SLC25A26: variants seen among roughly 807,000 people sequenced by gnomAD.
The protein encoded by SLC25A26 is solute carrier family 25 member 26.
In SLC25A26, 36 loss-of-function variants were observed where a neutral mutation model predicts 37.8. The ratio of observed to expected loss-of-function variants is 0.95; its 90% CI spans 0.73 to 1.26. SLC25A26 has a LOEUF of 1.26. SLC25A26 is among the 50% of genes most tolerant of loss of function. The pLI, the probability that SLC25A26 is intolerant of heterozygous loss-of-function variation, is 0.00. For missense variants in SLC25A26, 390 were observed against 331.1 expected, an observed-to-expected ratio of 1.18 and a Z score of -1.38; for synonymous variants, 129 against 122.5, an observed-to-expected ratio of 1.05 and a Z score of -0.35.
chr3:66,244,477 A>T (rs937566983), intron 3 of SLC25A26, among the ~76,000 whole-genome samples: 3 of 152,248 alleles, frequency 2.0e-5, no homozygotes, highest in Admixed American at 6.5e-5. Flanking sequence ...CTGTTGATAC[A>T]TGTAAAACTT....
At chr3:66,230,787 A>G (rs375955003) in intron 1 of SLC25A26, among the ~76,000 whole-genome samples, 1 of 146,526 alleles carries the variant, frequency 6.8e-6, no homozygotes, top group East Asian at 2.0e-4. Context: ...CCTGGGCAAC[A>G]AGAGCAAAAC....
intron 1 of SLC25A26, among the ~76,000 whole-genome samples, chr3:66,199,766 C>G (rs2071086583): frequency 6.6e-6 from 1 of 152,050 alleles, no homozygotes; most frequent in Non-Finnish European, 1.5e-5. Flanking sequence ...TGTCATGACC[C>G]TTTCCCTGAC....
intron 5 of SLC25A26, among the ~76,000 whole-genome samples, chr3:66,298,138 C>CTCTGCATGATTCTGATGCATTCTGAAG (rs2074965294): frequency 6.6e-6 from 1 of 152,134 alleles, no homozygotes; most frequent in Non-Finnish European, 1.5e-5. Context: ...GTTATACACC[C>CTCTGCATGATTCTGATGCATTCTGAAG]TCTGCATGAT....
intron 7 of SLC25A26, among the ~76,000 whole-genome samples, chr3:66,368,600 C>T (rs1476714771): frequency 6.6e-6 from 1 of 152,158 alleles, no homozygotes; most frequent in Non-Finnish European, 1.5e-5. Flanking sequence ...AAGCTTTGCT[C>T]CTTTAATTCA....
At chr3:66,136,498 A>G (rs919087942) in intron 1 of SLC25A26, among the ~76,000 whole-genome samples, 3 of 152,240 alleles carry the variant, frequency 2.0e-5, no homozygotes, top group Non-Finnish European at 4.4e-5. Flanking sequence ...TGTCTATTTC[A>G]TTTCTAAAAT....
chr3:66,329,718 A>G (rs147922311), intron 5 of SLC25A26, among the ~76,000 whole-genome samples: 1 of 152,174 alleles, frequency 6.6e-6, no homozygotes, highest in African/African-American at 2.4e-5. Flanking sequence ...TTTTCCTCCT[A>G]CTTTATTCAA....
Position 66,243,525 on chromosome 3 carries a change from A to G in SLC25A26, c.300+213A>G, listed in dbSNP as rs137869026. On this transcript the variant is annotated intron_variant, in intron 3 of 9. Coordinates refer to ENST00000354883, the MANE Select transcript of SLC25A26 (RefSeq NM_001379210.1). The stretch of plus-strand genomic sequence containing the variant: ...ATAGGACAGAAGAAGAATTCTAGCT[A>G]TGTGTAATTTACAAGAGACAGATGT... Among the ~76,000 whole-genome samples, 3 of 152,360 alleles carry G rather than the reference A, an allele frequency of 2.0e-5. No homozygotes were observed. In the East Asian group the frequency reaches 5.8e-4, roughly 29 times the overall value.
At chr3:66,280,057 ATC>A (rs1451715552) in intron 5 of SLC25A26, among the ~76,000 whole-genome samples, 1 of 152,178 alleles carries the variant, frequency 6.6e-6, no homozygotes, top group Non-Finnish European at 1.5e-5. Flanking sequence ...CTGCTGATTT[ATC>A]TTTTTGTTCA....
chr3:66,356,994 C>T (rs2076591525), intron 6 of SLC25A26, among the ~76,000 whole-genome samples: 1 of 152,146 alleles, frequency 6.6e-6, no homozygotes, highest in Non-Finnish European at 1.5e-5. Flanking sequence ...TGTCATACAA[C>T]CTAGTAGACA....
intron 1 of SLC25A26, among the ~76,000 whole-genome samples, chr3:66,223,152 A>T (rs1298555388): frequency 6.6e-6 from 1 of 152,250 alleles, no homozygotes; most frequent in Non-Finnish European, 1.5e-5. Flanking sequence ...AAAGAAATGA[A>T]CTGAAGATGC....
upstream of SLC25A26, among the ~76,000 whole-genome samples, chr3:66,216,777 TCA>T (rs1323533826): frequency 8.4e-3 from 412 of 48,816 alleles, 4 homozygotes; most frequent in South Asian, 0.092. Context: ...TATTATAATA[TCA>T]CATGTGTAAT....
chr3:66,235,078 C>T (rs1289672518), intron 1 of SLC25A26, among the ~76,000 whole-genome samples: 1 of 152,054 alleles, frequency 6.6e-6, no homozygotes, highest in Non-Finnish European at 1.5e-5. Context: ...TTGTCTTTTT[C>T]ACTAGTAAGT....
chr3:66,268,472 A>G (rs1174818278), intron 5 of SLC25A26, among the ~76,000 whole-genome samples: 1 of 152,214 alleles, frequency 6.6e-6, no homozygotes, highest in East Asian at 1.9e-4. Flanking sequence ...GTAAGACTGG[A>G]CATAATAACA....
chr3:66,359,887 C>T (rs898517615), intron 6 of SLC25A26, among the ~76,000 whole-genome samples: 2 of 152,198 alleles, frequency 1.3e-5, no homozygotes, highest in Non-Finnish European at 2.9e-5. Context: ...TCTGCTTTCA[C>T]AAGTAAGGTG....
At chr3:66,345,922 G>C (rs2107736287) in intron 5 of SLC25A26, among the ~76,000 whole-genome samples, 1 of 152,358 alleles carries the variant, frequency 6.6e-6, no homozygotes, top group African/African-American at 2.4e-5. Context: ...ACCAGGCTCA[G>C]TGGCTCACGC....
chr3:66,297,282 C>T (rs1476384306), intron 5 of SLC25A26, among the ~76,000 whole-genome samples: 5 of 146,332 alleles, frequency 3.4e-5, no homozygotes, highest in Admixed American at 1.4e-4. Flanking sequence ...GAGCCAAGAT[C>T]GTGCCATTGC....
chr3:66,370,511 C>G lies in SLC25A26; in HGVS notation c.634-18C>G, dbSNP rs1559748210. 5.0e-6 allele frequency: 8 copies of G among 1,611,130 alleles called. No homozygotes were observed. The highest frequency in any genetic ancestry group is 5.9e-6 in the Non-Finnish European group (7 of 1,177,842). ...GAGCTTCAGAAGATAACGGGTTTCT[C>G]TTTGTCTGTTCACACAGGCTGGCTC... On this transcript the variant is annotated intron_variant, in intron 8 of 9. Coordinates refer to ENST00000354883, the MANE Select transcript of SLC25A26 (RefSeq NM_001379210.1).
intron 6 of SLC25A26, among the ~76,000 whole-genome samples, chr3:66,352,661 A>G (rs2076485362): frequency 2.0e-5 from 3 of 151,976 alleles, no homozygotes; most frequent in African/African-American, 7.3e-5. Flanking sequence ...GTCATTACCG[A>G]GTGTCTATTA....
At chr3:66,334,611 G>A (rs960732733) in intron 5 of SLC25A26, among the ~76,000 whole-genome samples, 3 of 152,044 alleles carry the variant, frequency 2.0e-5, no homozygotes, top group East Asian at 1.9e-4. Flanking sequence ...TTACTGCGCC[G>A]GGCCCTGAGT....
Sources: gnomAD v4.1 joint callset for allele counts (sites outside exome capture counted in the v4.1 genomes callset) on GRCh38, gnomAD v4.1.1 for gene constraint, MANE v1.5 for transcripts, NCBI Gene and HGNC (gene_info 2026-07-23, HGNC 2026-07-21) for gene names.